The following GNG12 variants were observed in gnomAD, a reference collection of about 807,000 sequenced individuals.
GNG12 encodes the protein guanine nucleotide-binding protein G(I)/G(S)/G(O) subunit gamma-12.
For missense variants in GNG12, 69 were observed against 83.8 expected (o/e 0.82, Z 0.69); for synonymous variants, 28 against 29.7 (o/e 0.94, Z 0.19).
intron 2 of GNG12, among the ~76,000 whole-genome samples, chr1:67,752,709 T>A (rs547276949): frequency 6.6e-6 from 1 of 152,372 alleles, no homozygotes; most frequent in East Asian, 1.9e-4. Flanking sequence ...TGATTTCATA[T>A]ACTTTAATTT....
At chr1:67,735,147 C>T (rs973898952) in intron 2 of GNG12, among the ~76,000 whole-genome samples, 7 of 152,264 alleles carry the variant, frequency 4.6e-5, no homozygotes, top group African/African-American at 1.7e-4. Context: ...TGAGCCACCG[C>T]GCCTGGCCTC....
chr1:67,724,591 T>C (rs954435487), intron 2 of GNG12, among the ~76,000 whole-genome samples: 4 of 152,164 alleles, frequency 2.6e-5, no homozygotes, highest in South Asian at 2.1e-4. Flanking sequence ...GGTTTCACCA[T>C]GTTCACCAGG....
chr1:67,790,978 C>A (rs1646799001), intron 1 of GNG12, among the ~76,000 whole-genome samples: 1 of 152,056 alleles, frequency 6.6e-6, no homozygotes, highest in African/African-American at 2.4e-5. Context: ...CTTGAAGCGC[C>A]CTAGATTTTT....
At chr1:67,787,801 T>C (rs1486070267) in intron 1 of GNG12, among the ~76,000 whole-genome samples, 1 of 152,240 alleles carries the variant, frequency 6.6e-6, no homozygotes, top group East Asian at 1.9e-4. Context: ...TTGCTGTTTT[T>C]AGAAGACAGT....
At chr1:67,724,511 T>C (rs1646375113) in intron 2 of GNG12, among the ~76,000 whole-genome samples, 1 of 152,134 alleles carries the variant, frequency 6.6e-6, no homozygotes, top group South Asian at 2.1e-4. Context: ...TGCCTCAGCC[T>C]CCTGAGTAGC....
At chr1:67,759,112 T>C (rs1355957410) in intron 2 of GNG12, among the ~76,000 whole-genome samples, 1 of 152,246 alleles carries the variant, frequency 6.6e-6, no homozygotes, top group African/African-American at 2.4e-5. Context: ...TTATACATTG[T>C]ATACATGATC....
chr1:67,793,554 C>T (rs569425145), intron 1 of GNG12, among the ~76,000 whole-genome samples: 38 of 151,130 alleles, frequency 2.5e-4, no homozygotes, highest in Non-Finnish European at 4.0e-4. Flanking sequence ...TTTTAAACTA[C>T]AAATCTGGCC....
chr1:67,758,353 G>C (rs1646582262), intron 2 of GNG12, among the ~76,000 whole-genome samples: 1 of 152,172 alleles, frequency 6.6e-6, no homozygotes, highest in Non-Finnish European at 1.5e-5. Context: ...AATACACCTG[G>C]AGAAGGATTA....
At chr1:67,795,075 G>T (rs936392078) in intron 1 of GNG12, among the ~76,000 whole-genome samples, 26 of 152,200 alleles carry the variant, frequency 1.7e-4, no homozygotes, top group Admixed American at 1.7e-3. Flanking sequence ...CAAGTGTAGA[G>T]TTAGGATTCA....
chr1:67,732,250 C>T (rs1237992033), intron 2 of GNG12, among the ~76,000 whole-genome samples: 1 of 152,182 alleles, frequency 6.6e-6, no homozygotes, highest in African/African-American at 2.4e-5. Flanking sequence ...GTCCCACATC[C>T]TATGTTCTCA....
At chr1:67,832,931 C>T (rs1487181142) in intron 1 of GNG12, among the ~76,000 whole-genome samples, 1 of 152,224 alleles carries the variant, frequency 6.6e-6, no homozygotes, top group Non-Finnish European at 1.5e-5. Flanking sequence ...GGCCTCCCAA[C>T]CCGGCGCGGG....
chr1:67,818,887 C>T (rs1646969658), intron 1 of GNG12, among the ~76,000 whole-genome samples: 1 of 152,096 alleles, frequency 6.6e-6, no homozygotes, highest in South Asian at 2.1e-4. Context: ...AAAAACATTC[C>T]CAAGCCAGAG....
intron 1 of GNG12, among the ~76,000 whole-genome samples, chr1:67,802,308 G>A (rs1274355801): frequency 1.3e-5 from 2 of 152,088 alleles, no homozygotes; most frequent in Non-Finnish European, 2.9e-5. Context: ...GTAAATTAGG[G>A]CAAATGGAAA....
intron 1 of GNG12, among the ~76,000 whole-genome samples, chr1:67,798,467 G>T (rs943935683): frequency 3.3e-5 from 5 of 152,048 alleles, no homozygotes; most frequent in Non-Finnish European, 5.9e-5. Context: ...TATTTTTAGA[G>T]AAATGGAAGA....
rs145135724 is a variant in GNG12 at position 67,771,412 on chromosome 1, G to A, written c.-27+6046C>T. On this transcript the variant is annotated intron_variant, in intron 2 of 3. Transcript: ENST00000370982. ...GTCACGCAGGTAAGTAAGTAAAGTA[G>A]TAGGAACCTGTATTCAACCTCAAGC... 2.0e-5 allele frequency among the ~76,000 whole-genome samples: 3 copies of A among 152,336 alleles called. No homozygotes were observed. In the East Asian group the frequency reaches 5.8e-4, roughly 29 times the overall value.
chr1:67,786,715 G>C (rs1570547723), intron 1 of GNG12, among the ~76,000 whole-genome samples: 1 of 151,768 alleles, frequency 6.6e-6, no homozygotes, highest in Non-Finnish European at 1.5e-5. Flanking sequence ...TGAGGTCAGG[G>C]GTTCGAGACC....
intron 1 of GNG12, among the ~76,000 whole-genome samples, chr1:67,813,772 CT>C (rs1339594534): frequency 6.6e-6 from 1 of 152,138 alleles, no homozygotes; most frequent in Non-Finnish European, 1.5e-5. Context: ...ATTGTGGCAA[CT>C]TTTGCATCTT....
At position 67,766,135 on chromosome 1, in the gene GNG12, CA is replaced by C. The variant is rs1557610092; in HGVS notation, c.-27+11322del. Among the ~76,000 whole-genome samples, 103 of 148,860 alleles carry C rather than the reference CA, an allele frequency of 6.9e-4. 1 individual carries two copies. The highest frequency in any genetic ancestry group is 3.5e-3 in the Middle Eastern group (1 of 286). On this transcript the variant is annotated intron_variant, in intron 2 of 3. Transcript: ENST00000370982. ...ACACACACACACACACACACACACACACACACACACACACCCCTAAACAATG... is the reference window on the plus strand; with the variant it reads ...ACACACACACACACACACACACACACCACACACACACACCCCTAAACAATG...
intron 1 of GNG12, among the ~76,000 whole-genome samples, chr1:67,828,994 T>C (rs1016202067): frequency 6.6e-6 from 1 of 152,238 alleles, no homozygotes; most frequent in African/African-American, 2.4e-5. Flanking sequence ...TAGTAACTAT[T>C]ACGCAAATTT....
Sources: allele counts gnomAD v4.1 joint callset (sites outside exome capture counted in the v4.1 genomes callset), GRCh38; gene constraint gnomAD v4.1.1; transcripts MANE v1.5; gene names NCBI Gene and HGNC (gene_info 2026-07-23, HGNC 2026-07-21).